The following GLDC variants were observed in gnomAD, a reference collection of about 807,000 sequenced individuals.
GLDC encodes the protein glycine decarboxylase, also known as glycine dehydrogenase (decarboxylating), mitochondrial.
GLDC carries 104 observed loss-of-function variants against 121.3 expected under a neutral mutation model. The ratio of observed to expected loss-of-function variants is 0.86; its 90% CI spans 0.73 to 1.01. The LOEUF (loss-of-function observed/expected upper bound fraction) is 1.01, where lower values mean the gene tolerates loss of function less well. Among genes scored for constraint, GLDC ranks in the 50% least tolerant of loss-of-function variants. The pLI is 0.00. For missense variants in GLDC, 1,429 were observed against 1,306.6 expected, an observed-to-expected ratio of 1.09 and a Z score of -1.44; for synonymous variants, 546 against 480.6, an observed-to-expected ratio of 1.14 and a Z score of -1.78.
At chr9:6,537,247 G>A (rs1233048164) in intron 22 of GLDC, among the ~76,000 whole-genome samples, 6 of 151,950 alleles carry the variant, frequency 3.9e-5, no homozygotes, top group Non-Finnish European at 8.8e-5. Context: ...CCGGGCTACC[G>A]AGCTCAAGCG....
At chr9:6,614,573 G>C (rs60012350) in intron 3 of GLDC, among the ~76,000 whole-genome samples, 1 of 148,596 alleles carries the variant, frequency 6.7e-6, no homozygotes, top group Non-Finnish European at 1.5e-5. Context: ...TTTTTTTGTA[G>C]GGACAGGGTT....
Position 6,589,307 on chromosome 9 carries a change from C to T in GLDC, c.1483-15G>A. The T allele has an allele frequency of 6.6e-7, 1 of 1,520,392 alleles. No individual in the cohort carries two copies. Among genetic ancestry groups the T allele is most frequent in the Non-Finnish European group, 9.1e-7 (1 of 1,094,530 alleles). The allele number at this position is 1,520,392 out of a possible 1,614,324, so 94.2% of individuals were successfully genotyped here. A position where few individuals can be genotyped will look rare whatever the true frequency, so the allele number is the denominator to read the frequency against. ...GCAACCAGTTCCTGAAGGAGAAACACAGAGATGATAGGGCCAGAACTGTGC... is the reference window on the plus strand; with the variant it reads ...GCAACCAGTTCCTGAAGGAGAAACATAGAGATGATAGGGCCAGAACTGTGC... On this transcript the variant is annotated splice_polypyrimidine_tract_variant and intron_variant, in intron 11 of 24. Transcript: ENST00000321612.
At chr9:6,607,809 C>A (rs1208922722) in intron 4 of GLDC, among the ~76,000 whole-genome samples, 2 of 151,248 alleles carry the variant, frequency 1.3e-5, no homozygotes, top group Non-Finnish European at 2.9e-5. Flanking sequence ...GCCACCATGC[C>A]CAGCCAATTT....
chr9:6,615,474 C>T (rs1818950411), intron 3 of GLDC, among the ~76,000 whole-genome samples: 1 of 151,372 alleles, frequency 6.6e-6, no homozygotes, highest in Admixed American at 6.6e-5. Flanking sequence ...CCCACCTACT[C>T]AGGAGGCTGA....
At chr9:6,543,886 G>T (rs1050717450) in intron 21 of GLDC, among the ~76,000 whole-genome samples, 1 of 150,824 alleles carries the variant, frequency 6.6e-6, no homozygotes, top group African/African-American at 2.5e-5. Flanking sequence ...GGGCAAGGAG[G>T]ACAGGAGGGG....
At chr9:6,547,385 G>C (rs1817416947) in intron 21 of GLDC, among the ~76,000 whole-genome samples, 1 of 152,080 alleles carries the variant, frequency 6.6e-6, no homozygotes, top group Non-Finnish European at 1.5e-5. Flanking sequence ...GAGCGCATTG[G>C]CTACATATAC....
intron 2 of GLDC, among the ~76,000 whole-genome samples, chr9:6,637,364 C>G (rs1377705378): frequency 6.6e-6 from 1 of 151,112 alleles, no homozygotes; most frequent in African/African-American, 2.4e-5. Flanking sequence ...GAGATCGAGC[C>G]ATTGCACTCA....
intron 2 of GLDC, among the ~76,000 whole-genome samples, chr9:6,623,495 C>T (rs1218976818): frequency 6.6e-6 from 1 of 150,636 alleles, no homozygotes; most frequent in African/African-American, 2.5e-5. Flanking sequence ...CCGCAGGGTC[C>T]TCTGCCTAGG....
Position 6,600,229 on chromosome 9 carries a change from G to A in GLDC, c.1155+1880C>T, listed in dbSNP as rs568888671. ...ACATTTTTTTGAAAATTAGCTGGGCGTGGTGGAATGTACCCATAGTCCCAG... is the reference window on the plus strand; with the variant it reads ...ACATTTTTTTGAAAATTAGCTGGGCATGGTGGAATGTACCCATAGTCCCAG... On this transcript the variant is annotated intron_variant, in intron 8 of 24. Transcript: ENST00000321612. Among the ~76,000 whole-genome samples, 10 of 152,192 alleles carry A rather than the reference G, an allele frequency of 6.6e-5. No individual in the cohort carries two copies. The East Asian group carries it at 1.7e-3, about 26-fold the overall frequency.
intron 7 of GLDC, among the ~76,000 whole-genome samples, chr9:6,603,867 C>G (rs1464286137): frequency 6.6e-6 from 1 of 151,454 alleles, no homozygotes; most frequent in Non-Finnish European, 1.5e-5. Flanking sequence ...GTAGCTGGGA[C>G]TACAGGCGCC....
intron 20 of GLDC, among the ~76,000 whole-genome samples, chr9:6,552,391 G>T (rs1817534935): frequency 6.6e-6 from 1 of 152,204 alleles, no homozygotes; most frequent in African/African-American, 2.4e-5. Context: ...CAAAAGGGAA[G>T]TGGAATTTGA....
chr9:6,607,435 T>C (rs758125379), intron 4 of GLDC, among the ~76,000 whole-genome samples: 2 of 151,400 alleles, frequency 1.3e-5, no homozygotes, highest in Non-Finnish European at 2.9e-5. Flanking sequence ...CTACAAAACG[T>C]AGCCAGGCAT....
chr9:6,597,337 T>C (rs1331063185), intron 8 of GLDC, among the ~76,000 whole-genome samples: 3 of 152,188 alleles, frequency 2.0e-5, no homozygotes, highest in South Asian at 2.1e-4. Context: ...GTAAAAACCA[T>C]TGAGCTGTAT....
intron 2 of GLDC, among the ~76,000 whole-genome samples, chr9:6,622,233 G>C (rs1002703392): frequency 2.0e-5 from 3 of 150,750 alleles, no homozygotes. Flanking sequence ...ATTCACAAGA[G>C]ATATGGTCCC....
At chr9:6,556,987 A>C (rs1817647118) in intron 17 of GLDC, among the ~76,000 whole-genome samples, 1 of 152,088 alleles carries the variant, frequency 6.6e-6, no homozygotes, top group Non-Finnish European at 1.5e-5. Flanking sequence ...GTCCATTCTC[A>C]TAGTTAATCT....
At chr9:6,608,367 A>T (rs1199614519) in intron 4 of GLDC, among the ~76,000 whole-genome samples, 1 of 149,466 alleles carries the variant, frequency 6.7e-6, no homozygotes, top group African/African-American at 2.5e-5. Flanking sequence ...GCTTGCAGTG[A>T]GCCGAGATAG....
intron 2 of GLDC, among the ~76,000 whole-genome samples, chr9:6,636,575 C>T (rs962521271): frequency 2.0e-5 from 3 of 151,968 alleles, no homozygotes; most frequent in Admixed American, 6.6e-5. Flanking sequence ...CCCAGGAATT[C>T]GAGACCAGCA....
intron 22 of GLDC, among the ~76,000 whole-genome samples, chr9:6,538,841 AAGG>A (rs1392804168): frequency 6.6e-6 from 1 of 152,204 alleles, no homozygotes; most frequent in Non-Finnish European, 1.5e-5. Flanking sequence ...TGTCAGGGGA[AAGG>A]AGTTCTACTG....
intron 2 of GLDC, among the ~76,000 whole-genome samples, chr9:6,629,679 A>C (rs1381638322): frequency 6.6e-6 from 1 of 151,010 alleles, no homozygotes; most frequent in Non-Finnish European, 1.5e-5. Flanking sequence ...TAACCCTACA[A>C]TTTCTTTTGG....
Sources: gnomAD v4.1 joint callset for allele counts (sites outside exome capture counted in the v4.1 genomes callset) on GRCh38, gnomAD v4.1.1 for gene constraint, MANE v1.5 for transcripts, NCBI Gene and HGNC (gene_info 2026-07-23, HGNC 2026-07-21) for gene names.